The following TRPS1 variants were observed in gnomAD, a reference collection of about 807,000 sequenced individuals.
TRPS1 encodes the protein zinc finger transcription factor Trps1.
TRPS1 carries 6 observed loss-of-function variants against 101.2 expected under a neutral mutation model. The ratio of observed to expected loss-of-function variants is 0.06; its 90% CI spans 0.03 to 0.12. The LOEUF (loss-of-function observed/expected upper bound fraction) is 0.12, where lower values mean the gene tolerates loss of function less well. Among genes scored for constraint, TRPS1 ranks in the 10% least tolerant of loss-of-function variants. The pLI is 1.00. For synonymous variants in TRPS1, 578 were observed against 589.8 expected (o/e 0.98, Z 0.29); for missense variants, 1,363 against 1,567.0 (o/e 0.87, Z 2.20).
intron 5 of TRPS1, among the ~76,000 whole-genome samples, chr8:115,499,117 T>C (rs1479304831): frequency 5.3e-5 from 8 of 152,140 alleles, no homozygotes; most frequent in African/African-American, 1.9e-4. Context: ...ATTAAAAGAG[T>C]ATACTAAAGA....
chr8:115,536,035 A>C (rs1175515103), intron 5 of TRPS1, among the ~76,000 whole-genome samples: 1 of 152,100 alleles, frequency 6.6e-6, no homozygotes, highest in Non-Finnish European at 1.5e-5. Flanking sequence ...TACAATAATA[A>C]AATTAGATGA....
chr8:115,439,871 T>C (rs970070262), intron 5 of TRPS1, among the ~76,000 whole-genome samples: 4 of 152,236 alleles, frequency 2.6e-5, no homozygotes, highest in Admixed American at 6.5e-5. Context: ...CCATGGCACA[T>C]TGCAGAGACA....
At chr8:115,429,530 C>T (rs1398848987) in intron 5 of TRPS1, among the ~76,000 whole-genome samples, 1 of 152,092 alleles carries the variant, frequency 6.6e-6, no homozygotes, top group Admixed American at 6.6e-5. Flanking sequence ...GTAAGAACTA[C>T]CTCATCGCAT....
chr8:115,598,849 T>A (rs1192326641), intron 4 of TRPS1, among the ~76,000 whole-genome samples: 1 of 152,230 alleles, frequency 6.6e-6, no homozygotes, highest in Non-Finnish European at 1.5e-5. Context: ...ATGTCTTTTC[T>A]GAGTAGTCGA....
At chr8:115,415,451 A>G (rs1452826846) in intron 6 of TRPS1, among the ~76,000 whole-genome samples, 3 of 152,186 alleles carry the variant, frequency 2.0e-5, no homozygotes, top group Non-Finnish European at 1.5e-5. Flanking sequence ...TGAGTTGTGC[A>G]CTAAAATGCC....
chr8:115,501,349 G>T (rs1815315107), intron 5 of TRPS1, among the ~76,000 whole-genome samples: 2 of 152,194 alleles, frequency 1.3e-5, no homozygotes, highest in Non-Finnish European at 1.5e-5. Flanking sequence ...GTGTATACCT[G>T]CTAGTAGGGA....
At chr8:115,582,333 G>A (rs1817470706) in intron 5 of TRPS1, among the ~76,000 whole-genome samples, 1 of 152,068 alleles carries the variant, frequency 6.6e-6, no homozygotes, top group East Asian at 1.9e-4. Context: ...TTGTTTAAAC[G>A]TCTGTTTGGC....
At chr8:115,498,413 CTCTA>C (rs1406916320) in intron 5 of TRPS1, among the ~76,000 whole-genome samples, 172 of 63,398 alleles carry the variant, frequency 2.7e-3, no homozygotes, top group East Asian at 4.9e-3. Context: ...CTCTCTCTCT[CTCTA>C]TATATATATA....
At chr8:115,433,647 T>C (rs1159247789) in intron 5 of TRPS1, among the ~76,000 whole-genome samples, 1 of 152,136 alleles carries the variant, frequency 6.6e-6, no homozygotes. Flanking sequence ...CCACAAGGCT[T>C]CTTGACTTAT....
chr8:115,416,647 T>TGAAA (rs1357583612), intron 6 of TRPS1, among the ~76,000 whole-genome samples: 24 of 151,024 alleles, frequency 1.6e-4, no homozygotes, highest in Admixed American at 2.0e-4. Flanking sequence ...GTGATACACT[T>TGAAA]GAATGAAAGG....
At chr8:115,647,632 C>T (rs1471511134) in intron 1 of TRPS1, among the ~76,000 whole-genome samples, 1 of 152,146 alleles carries the variant, frequency 6.6e-6, no homozygotes, top group Non-Finnish European at 1.5e-5. Context: ...AGTAAATATA[C>T]TTCAAAATAT....
chr8:115,619,241 A>C lies in TRPS1; in HGVS notation c.857T>G (p.Phe286Cys), dbSNP rs759435674. The C allele has an allele frequency of 6.2e-7, 1 of 1,614,124 alleles. No homozygotes were observed. The change falls in exon 3 of 7, where the codon TTC becomes TGC. Residue 286 changes from phenylalanine to cysteine, a missense_variant. Physicochemically the swap from Phe to Cys is radical, Grantham distance 205. This residue lies in a region of TRPS1 where 1,020 missense variants were observed against 1,073.0 expected (regional missense o/e 0.95). Coordinates refer to ENST00000395715, the MANE Select transcript of TRPS1 (RefSeq NM_014112.5). ...KILALHNMVQFSHSKDFQKVN... is the reference protein window; with the variant it reads ...KILALHNMVQCSHSKDFQKVN... ...CTTCTGGAAGTCTTTGGAATGGCTGAACTGCACCATGTTATGAAGGGCCAA... is the reference window on the plus strand; with the variant it reads ...CTTCTGGAAGTCTTTGGAATGGCTGCACTGCACCATGTTATGAAGGGCCAA...
rs763074713 is a variant in TRPS1 at position 115,414,353 on chromosome 8, T to C, written c.3555A>G (p.Arg1185=). Residue 1185 remains arginine, a synonymous_variant, in exon 7 of 7, where the codon AGA becomes AGG. Transcript: ENST00000395715. This position sits in a 1 kb window ranked among gnomAD's most constrained non-coding sequence, Gnocchi z 4.8. Reference sequence around the variant, plus strand: ...AGGCACCGTTTGCAGTTGGCCCAGGTCTGGAATGCTTGATCGCCAAATCTA... The same window carrying C: ...AGGCACCGTTTGCAGTTGGCCCAGGCCTGGAATGCTTGATCGCCAAATCTA... ...IPLDLAIKHS[R]PGPTANGASK... is the part of the protein sequence containing the mutation. 3 of 1,613,960 alleles carry C rather than the reference T, an allele frequency of 1.9e-6. No homozygotes were observed. The highest frequency in any genetic ancestry group is 2.5e-6 in the Non-Finnish European group (3 of 1,179,962).
Position 115,576,078 on chromosome 8 carries a change from C to T in TRPS1, c.2700+10923G>A, listed in dbSNP as rs1586420103. 2.6e-5 allele frequency among the ~76,000 whole-genome samples: 4 copies of T among 152,096 alleles called. No homozygotes were observed. The South Asian group carries it at 8.3e-4, about 31-fold the overall frequency. ...TAGAATTATTTTCTCATTGTGCTTACTTTCCTTTAACTTCATTCATCAGCA... is the reference window on the plus strand; with the variant it reads ...TAGAATTATTTTCTCATTGTGCTTATTTTCCTTTAACTTCATTCATCAGCA... On this transcript the variant is annotated intron_variant, in intron 5 of 6. Coordinates refer to ENST00000395715, the MANE Select transcript of TRPS1 (RefSeq NM_014112.5).
intron 3 of TRPS1, among the ~76,000 whole-genome samples, chr8:115,609,578 CACT>C (rs543543924): frequency 2.6e-5 from 4 of 152,138 alleles, no homozygotes; most frequent in Non-Finnish European, 5.9e-5. Flanking sequence ...GCACCCTCAC[CACT>C]GACTTGACCT....
At chr8:115,667,481 G>A (rs1586511762) in intron 1 of TRPS1, among the ~76,000 whole-genome samples, 1 of 152,188 alleles carries the variant, frequency 6.6e-6, no homozygotes, top group Non-Finnish European at 1.5e-5. Flanking sequence ...GCGTCTGTCC[G>A]CTTGGATGTC....
intron 5 of TRPS1, among the ~76,000 whole-genome samples, chr8:115,419,736 G>A (rs1813006086): frequency 6.6e-6 from 1 of 152,088 alleles, no homozygotes. Context: ...TGATTCATCG[G>A]GTGTTTCACA....
At chr8:115,514,446 TTAGA>T (rs1815659691) in intron 5 of TRPS1, among the ~76,000 whole-genome samples, 1 of 151,712 alleles carries the variant, frequency 6.6e-6, no homozygotes, top group Non-Finnish European at 1.5e-5. Context: ...ACCTCTTTTA[TTAGA>T]TAAAGGCATA....
At chr8:115,420,158 C>G (rs1052910325) in intron 5 of TRPS1, among the ~76,000 whole-genome samples, 3 of 152,126 alleles carry the variant, frequency 2.0e-5, no homozygotes, top group Admixed American at 6.5e-5. Context: ...TCTACTTCCC[C>G]CCACCCGACT....
Sources: allele counts gnomAD v4.1 joint callset (sites outside exome capture counted in the v4.1 genomes callset), GRCh38; gene constraint gnomAD v4.1.1; regional missense constraint gnomAD v4.1.1; non-coding constraint Gnocchi (gnomAD v3.1); transcripts MANE v1.5; gene names NCBI Gene and HGNC (gene_info 2026-07-23, HGNC 2026-07-21).